Variants in PLEKHA5 observed in about 807,000 individuals in gnomAD.
PLEKHA5 encodes pleckstrin homology domain-containing family A member 5.
A neutral mutation model predicts 181.9 loss-of-function variants in PLEKHA5; 55 were observed. The ratio of observed to expected loss-of-function variants is 0.30; its 90% CI spans 0.24 to 0.38. The LOEUF (loss-of-function observed/expected upper bound fraction) is 0.38. Ranked by LOEUF, PLEKHA5 falls within the 10% of genes least tolerant of loss-of-function variation. The probability of loss-of-function intolerance (pLI) is 1.00; values close to 1 mark genes in which losing one functional copy is unlikely to be tolerated. For missense variants in PLEKHA5, 1,432 were observed against 1,549.5 expected (o/e 0.92, Z 1.27); for synonymous variants, 535 against 529.4 (o/e 1.01, Z -0.15).
In PLEKHA5 at chr12:19,231,599, C is replaced by CATAT. The variant is rs1555117562; in HGVS notation, c.228-22331_228-22328dup. Among the ~76,000 whole-genome samples the CATAT allele has an allele frequency of 1.6e-3, 2 of 1,286 alleles. 1 individual carries two copies. Among genetic ancestry groups the CATAT allele is most frequent in the Non-Finnish European group, 2.5e-3 (2 of 800 alleles). The allele number at this position is 1,286 out of a possible 152,430, so 0.8% of individuals were successfully genotyped here. ...ATGTATATATATTTATATATGTACA[C>CATAT]ATATATATATATAAATACTCATAAA... is the stretch of plus-strand genomic sequence containing the variant. On this transcript the variant is annotated intron_variant, in intron 3 of 31. Coordinates refer to ENST00000429027, the MANE Select transcript of PLEKHA5 (RefSeq NM_001256470.2).
chr12:19,306,836 C>T (rs924613556), intron 15 of PLEKHA5: 9 of 806,980 alleles, frequency 1.1e-5, no homozygotes, highest in Non-Finnish European at 1.8e-5. Flanking sequence ...TATTCCTTGA[C>T]AGAGCTTTGA....
intron 9 of PLEKHA5, 122 bp from the exon 10 acceptor site, chr12:19,270,066 G>A (rs959848125): frequency 1.2e-5 from 8 of 642,688 alleles, no homozygotes; most frequent in Admixed American, 3.5e-5. Context: ...GTTAGTTTGC[G>A]ATACCACCTA....
At chr12:19,361,527 T>A (rs1200140258) in intron 28 of PLEKHA5, 55 bp from the exon 29 acceptor site, 1 of 888,870 alleles carries the variant, frequency 1.1e-6, no homozygotes, top group Non-Finnish European at 1.8e-6. Context: ...TTAGATATGC[T>A]AATCTAATGT....
chr12:19,255,936 A>T (rs2066772102), intron 5 of PLEKHA5, among the ~76,000 whole-genome samples: 1 of 151,712 alleles, frequency 6.6e-6, no homozygotes, highest in Non-Finnish European at 1.5e-5. Context: ...TCTAAATATG[A>T]CATAAAACTC....
chr12:19,337,598 G>C (rs189896876), intron 21 of PLEKHA5, among the ~76,000 whole-genome samples: 4 of 149,946 alleles, frequency 2.7e-5, no homozygotes, highest in African/African-American at 9.8e-5. Flanking sequence ...TTAAAATGTT[G>C]CTCTGAGGAA....
chr12:19,375,024 C>T (rs1342028869), intron 31 of PLEKHA5, among the ~76,000 whole-genome samples: 1 of 151,276 alleles, frequency 6.6e-6, no homozygotes, highest in Non-Finnish European at 1.5e-5. Context: ...AATTGCATTA[C>T]ATTATGTTTC....
chr12:19,305,750 C>T (rs867315759), intron 15 of PLEKHA5, among the ~76,000 whole-genome samples: 20 of 149,412 alleles, frequency 1.3e-4, no homozygotes, highest in African/African-American at 4.0e-4. Flanking sequence ...ATCCCAGCTG[C>T]TCGGGAGTCT....
chr12:19,374,350 G>A (rs1013222982), intron 31 of PLEKHA5, among the ~76,000 whole-genome samples: 1 of 151,788 alleles, frequency 6.6e-6, no homozygotes, highest in Non-Finnish European at 1.5e-5. Flanking sequence ...TTTTTATTCT[G>A]TATTGCTATT....
intron 3 of PLEKHA5, among the ~76,000 whole-genome samples, chr12:19,233,502 T>A (rs2060940215): frequency 6.6e-6 from 1 of 152,106 alleles, no homozygotes; most frequent in Non-Finnish European, 1.5e-5. Flanking sequence ...ATGAGTAAAT[T>A]GGTACCAATT....
chr12:19,283,683 T>C lies in PLEKHA5; in HGVS notation c.1717T>C (p.Ser573Pro), dbSNP rs752239578. Residue 573 changes from serine (S) to proline (P), a missense_variant, in exon 12 of 32, where the codon TCT becomes CCT. Transcript: ENST00000429027. ...SPQRTYRSEVSSPIQRGDVTI... is the reference protein window; with the variant it reads ...SPQRTYRSEVPSPIQRGDVTI... ...TCAACGAACTTACAGATCGGAAGTG[T>C]CTTCACCAATTCAGAGAGGAGATGT... is the stretch of plus-strand genomic sequence containing the variant. 3.1e-6 allele frequency: 5 copies of C among 1,614,034 alleles called. No individual in the cohort carries two copies. The South Asian group carries it at 4.4e-5, about 14-fold the overall frequency.
intron 30 of PLEKHA5, among the ~76,000 whole-genome samples, chr12:19,368,933 A>G (rs2095505419): frequency 6.8e-6 from 1 of 147,154 alleles, no homozygotes; most frequent in Non-Finnish European, 1.5e-5. Flanking sequence ...TAAATCATCC[A>G]TAGTATTTAG....
At chr12:19,175,461 T>C (rs1305632264) in intron 3 of PLEKHA5, among the ~76,000 whole-genome samples, 3 of 152,200 alleles carry the variant, frequency 2.0e-5, no homozygotes, top group Admixed American at 2.0e-4. Context: ...ACATCTGATA[T>C]TAAGAGAAAA....
intron 3 of PLEKHA5, chr12:19,150,189 A>G (rs1030864125): frequency 6.6e-6 from 1 of 152,124 alleles, no homozygotes; most frequent in African/African-American, 2.4e-5. Flanking sequence ...CTCTTTATTA[A>G]AACTGTTAAT....
At chr12:19,132,244 T>TA (rs1224564549) in intron 2 of PLEKHA5, 149 bp from the exon 3 acceptor site, 2 of 590,510 alleles carry the variant, frequency 3.4e-6, no homozygotes, top group Admixed American at 6.9e-5. Context: ...CAAAAAATGA[T>TA]ATCTGTTGTA....
chr12:19,339,700 T>C (rs1044037801), intron 21 of PLEKHA5, among the ~76,000 whole-genome samples: 1 of 151,782 alleles, frequency 6.6e-6, no homozygotes, highest in African/African-American at 2.4e-5. Flanking sequence ...CAAAAAAAAA[T>C]AAAAGAATGA....
intron 15 of PLEKHA5, among the ~76,000 whole-genome samples, chr12:19,310,929 C>CT (rs1015766523): frequency 1.3e-5 from 2 of 152,156 alleles, no homozygotes; most frequent in African/African-American, 4.8e-5. Flanking sequence ...AAGTCCTAAT[C>CT]TTTTTGCTAG....
At chr12:19,209,392 T>C (rs2056438494) in intron 3 of PLEKHA5, among the ~76,000 whole-genome samples, 3 of 152,112 alleles carry the variant, frequency 2.0e-5, no homozygotes, top group Admixed American at 1.3e-4. Flanking sequence ...AAAAAATAAA[T>C]CTTGTTCATG....
intron 20 of PLEKHA5, among the ~76,000 whole-genome samples, chr12:19,326,043 T>A (rs567004788): frequency 1.3e-5 from 2 of 151,972 alleles, no homozygotes; most frequent in African/African-American, 2.4e-5. Flanking sequence ...ATAAAATAAA[T>A]AAAATAGAAT....
chr12:19,343,402 A>C lies in PLEKHA5; in HGVS notation c.2630A>C (p.Lys877Thr). The stretch of plus-strand genomic sequence containing the variant: ...CAGGATGTCATGGAAGGGCTGAGTA[A>C]ACATAAGCAGCAAAGAGGTACTACA... Reference protein sequence around the residue: ...RIQDVMEGLSKHKQQRGTTEI... With the variant: ...RIQDVMEGLSTHKQQRGTTEI... The change falls in exon 22 of 32, where the codon AAA (lysine) becomes ACA (threonine). Residue 877 changes from lysine to threonine, a missense_variant. This residue lies in a region of PLEKHA5 where 1,143 missense variants were observed against 1,168.4 expected (regional missense o/e 0.98). Coordinates refer to ENST00000429027, the MANE Select transcript of PLEKHA5 (RefSeq NM_001256470.2). The C allele has an allele frequency of 2.5e-6, 4 of 1,611,936 alleles. No individual in the cohort carries two copies. In the South Asian group the frequency reaches 4.4e-5, roughly 18 times the overall value.
Sources: gnomAD v4.1 joint callset for allele counts (sites outside exome capture counted in the v4.1 genomes callset) on GRCh38, gnomAD v4.1.1 for gene constraint, gnomAD v4.1.1 regional missense constraint, MANE v1.5 for transcripts, NCBI Gene and HGNC (gene_info 2026-07-23, HGNC 2026-07-21) for gene names.